Variants in MVB12B observed in about 807,000 individuals in gnomAD.
The protein encoded by MVB12B is multivesicular body subunit 12B.
A neutral mutation model predicts 41.6 loss-of-function variants in MVB12B; 16 were observed. The observed-to-expected ratio is 0.38, with a 90% CI of 0.26 to 0.58. The LOEUF is 0.58. MVB12B is among the 20% of genes least tolerant of loss of function. MVB12B has a pLI of 0.62. For synonymous variants in MVB12B, 133 were observed against 139.7 expected, an observed-to-expected ratio of 0.95 and a Z score of 0.34; for missense variants, 274 against 380.2, an observed-to-expected ratio of 0.72 and a Z score of 2.32.
rs1173451790 is a variant in MVB12B, at chr9:126,505,458, G to C, written c.*2195G>C. 1 of 152,268 alleles carries C rather than the reference G, an allele frequency of 6.6e-6. No homozygotes were observed. The highest frequency in any genetic ancestry group is 1.5e-5 in the Non-Finnish European group (1 of 68,056). The allele number at this position is 152,268 out of a possible 1,614,324, so 9.4% of individuals were successfully genotyped here. A position where few individuals can be genotyped will look rare whatever the true frequency, so the allele number is the denominator to read the frequency against. ...GAGGACAAACTGCATGGACTCAAGC[G>C]AGCTGGAGCCATCTTCTCCATAGCA... On this transcript the variant is annotated 3_prime_UTR_variant, in exon 10 of 10. Transcript: ENST00000361171.
chr9:126,453,484 G>T (rs1832920080), intron 7 of MVB12B, among the ~76,000 whole-genome samples: 1 of 152,212 alleles, frequency 6.6e-6, no homozygotes, highest in Non-Finnish European at 1.5e-5. Context: ...AGGTCCTAGT[G>T]ACTTCTTTCT....
At chr9:126,414,436 C>T (rs1831748509) in intron 6 of MVB12B, among the ~76,000 whole-genome samples, 1 of 152,178 alleles carries the variant, frequency 6.6e-6, no homozygotes, top group Non-Finnish European at 1.5e-5. Context: ...GGGAGGATAG[C>T]TTGGTAACAC....
rs551131093 is a variant in MVB12B, at chr9:126,369,841, C to T, written c.205-11223C>T. On this transcript the variant is annotated intron_variant, in intron 2 of 9. Transcript: ENST00000361171. ...GCTAATTTTGTATTTTTAGTAGAGA[C>T]GGGGTTTCTTCATGTTGGTCAGGCT... Among the ~76,000 whole-genome samples, 5 of 152,150 alleles carry T rather than the reference C, an allele frequency of 3.3e-5. No individual in the cohort carries two copies. The South Asian group carries it at 6.2e-4, about 19-fold the overall frequency.
At chr9:126,471,061 G>C (rs991952714) in intron 7 of MVB12B, among the ~76,000 whole-genome samples, 1 of 152,180 alleles carries the variant, frequency 6.6e-6, no homozygotes, top group African/African-American at 2.4e-5. Context: ...AGGAAAGAGA[G>C]GCTCAGAGAG....
intron 7 of MVB12B, among the ~76,000 whole-genome samples, chr9:126,466,102 C>A (rs527717306): frequency 2.8e-4 from 42 of 152,346 alleles, no homozygotes; most frequent in African/African-American, 9.6e-4. Context: ...CTTAAACCAA[C>A]CAACATTTAG....
At chr9:126,448,776 C>A (rs1009969405) in intron 7 of MVB12B, among the ~76,000 whole-genome samples, 38 of 152,158 alleles carry the variant, frequency 2.5e-4, no homozygotes, top group African/African-American at 9.2e-4. Context: ...GGGGATGGTG[C>A]TGAACCATTC....
intron 6 of MVB12B, among the ~76,000 whole-genome samples, chr9:126,418,352 A>G (rs1222645747): frequency 6.6e-6 from 1 of 151,964 alleles, no homozygotes; most frequent in African/African-American, 2.4e-5. Context: ...TTGTTCATAT[A>G]CTTTTTTGTG....
chr9:126,481,931 G>A (rs1037126764), intron 8 of MVB12B, among the ~76,000 whole-genome samples: 1 of 152,260 alleles, frequency 6.6e-6, no homozygotes, highest in Non-Finnish European at 1.5e-5. Flanking sequence ...GCTCTGACAC[G>A]GAGGCCGCCA....
chr9:126,488,468 C>G (rs891352284), intron 9 of MVB12B, among the ~76,000 whole-genome samples: 1 of 152,192 alleles, frequency 6.6e-6, no homozygotes, highest in African/African-American at 2.4e-5. Context: ...GCCCACGATT[C>G]CCAGACAGGG....
chr9:126,407,597 A>C (rs962672682), intron 6 of MVB12B, among the ~76,000 whole-genome samples: 4 of 152,160 alleles, frequency 2.6e-5, no homozygotes, highest in Non-Finnish European at 5.9e-5. Flanking sequence ...CAGTGCCCCC[A>C]CACTGACAGA....
At chr9:126,327,364 A>G (rs2118769525) in intron 1 of MVB12B, 1 of 979,842 alleles carries the variant, frequency 1.0e-6, no homozygotes, top group Non-Finnish European at 1.2e-6. Flanking sequence ...ACAGACTGGG[A>G]ACAGTCAATC....
intron 7 of MVB12B, among the ~76,000 whole-genome samples, chr9:126,447,120 T>G (rs1832792206): frequency 6.6e-6 from 1 of 151,398 alleles, no homozygotes; most frequent in East Asian, 1.9e-4. Context: ...AATTTTTGTA[T>G]TTTTAGTAGA....
At chr9:126,425,692 C>T (rs1195708676) in intron 7 of MVB12B, among the ~76,000 whole-genome samples, 1 of 152,214 alleles carries the variant, frequency 6.6e-6, no homozygotes, top group Non-Finnish European at 1.5e-5. Flanking sequence ...GTAATTCCAG[C>T]ACCATCCTTT....
At chr9:126,422,271 G>C (rs1247585324) in intron 7 of MVB12B, among the ~76,000 whole-genome samples, 1 of 152,146 alleles carries the variant, frequency 6.6e-6, no homozygotes. Context: ...ACGGGGCCTC[G>C]GGAGCAGCGC....
At chr9:126,421,172 T>A (rs140464608) in intron 6 of MVB12B, among the ~76,000 whole-genome samples, 95 of 152,346 alleles carry the variant, frequency 6.2e-4, no homozygotes, top group African/African-American at 2.2e-3. Flanking sequence ...GACTAAATGC[T>A]CACTTAGGCT....
chr9:126,380,295 A>T (rs1462657660), intron 2 of MVB12B, among the ~76,000 whole-genome samples: 1 of 151,990 alleles, frequency 6.6e-6, no homozygotes, highest in African/African-American at 2.4e-5. Context: ...CTCTCCCACA[A>T]AGCCTGGTCT....
At chr9:126,495,258 G>A (rs990622258) in intron 9 of MVB12B, among the ~76,000 whole-genome samples, 3 of 151,898 alleles carry the variant, frequency 2.0e-5, no homozygotes, top group Admixed American at 6.6e-5. Context: ...CAGTGGCCAG[G>A]GCATCTGACG....
chr9:126,443,808 G>A lies in MVB12B; in HGVS notation c.757+21860G>A, dbSNP rs369826071. On this transcript the variant is annotated intron_variant, in intron 7 of 9. Transcript: ENST00000361171. ...ACCAATGTCAAACTACAGGATAGCC[G>A]CCTCCAGAAACAAGATACAGAATAT... Among the ~76,000 whole-genome samples, 20 of 152,286 alleles carry A rather than the reference G, an allele frequency of 1.3e-4. No individual in the cohort carries two copies. In the East Asian group the frequency reaches 2.7e-3, roughly 21 times the overall value.
chr9:126,375,363 CT>C (rs35585049), intron 2 of MVB12B, among the ~76,000 whole-genome samples: 16,480 of 104,608 alleles, frequency 0.16, 824 homozygotes, highest in East Asian at 0.37. Context: ...TAAATTGATT[CT>C]TTTTTTTTTT....
Sources: gnomAD v4.1 joint callset for allele counts (sites outside exome capture counted in the v4.1 genomes callset) on GRCh38, gnomAD v4.1.1 for gene constraint, MANE v1.5 for transcripts, NCBI Gene and HGNC (gene_info 2026-07-23, HGNC 2026-07-21) for gene names.